ERBIN: variants seen among roughly 807,000 people sequenced by gnomAD.
ERBIN encodes the protein densin-180-like protein.
Under a neutral mutation model 158.4 loss-of-function variants are expected in ERBIN, and 60 were observed. That is an observed-to-expected ratio of 0.38 (90% confidence interval 0.31 to 0.47). The LOEUF is 0.47. ERBIN is among the 20% of genes least tolerant of loss of function. The pLI is 0.99. For missense variants in ERBIN, 1,610 were observed against 1,648.0 expected (o/e 0.98, Z 0.40); for synonymous variants, 594 against 557.2 (o/e 1.07, Z -0.93).
intron 1 of ERBIN, among the ~76,000 whole-genome samples, chr5:65,976,857 C>A (rs1749942271): frequency 1.3e-5 from 2 of 150,034 alleles, no homozygotes; most frequent in Admixed American, 6.6e-5. Context: ...CAACAGGATC[C>A]CAAGGCAGAA....
chr5:65,962,399 A>G (rs1315152678), intron 1 of ERBIN, among the ~76,000 whole-genome samples: 1 of 152,218 alleles, frequency 6.6e-6, no homozygotes, highest in East Asian at 1.9e-4. Flanking sequence ...ACAAATGTGT[A>G]TGTGTGTGTA....
chr5:66,001,780 G>A (rs1481398649), intron 4 of ERBIN, among the ~76,000 whole-genome samples: 1 of 152,062 alleles, frequency 6.6e-6, no homozygotes, highest in African/African-American at 2.4e-5. Context: ...TTGGTTTACT[G>A]TATGTATGCT....
At chr5:65,975,196 C>T (rs1749717924) in intron 1 of ERBIN, among the ~76,000 whole-genome samples, 1 of 152,084 alleles carries the variant, frequency 6.6e-6, no homozygotes, top group African/African-American at 2.4e-5. Context: ...TTGGTAGAGA[C>T]AGGATTTCAC....
At chr5:66,061,138 A>G (rs1760247474) in intron 21 of ERBIN, among the ~76,000 whole-genome samples, 2 of 152,142 alleles carry the variant, frequency 1.3e-5, no homozygotes, top group Admixed American at 1.3e-4. Context: ...TAATGTTGAC[A>G]GTGGGGTGTT....
At chr5:65,973,669 C>T (rs1029467736) in intron 1 of ERBIN, among the ~76,000 whole-genome samples, 2 of 150,968 alleles carry the variant, frequency 1.3e-5, no homozygotes, top group African/African-American at 2.5e-5. Context: ...CTTAAAGAAC[C>T]GAAGAAGTAA....
intron 1 of ERBIN, among the ~76,000 whole-genome samples, chr5:65,970,232 G>A (rs749240668): frequency 3.3e-5 from 5 of 152,172 alleles, no homozygotes; most frequent in Admixed American, 6.5e-5. Flanking sequence ...TGGCTAAATA[G>A]TATCAGGATT....
chr5:66,068,221 C>A (rs1004023569), intron 21 of ERBIN, among the ~76,000 whole-genome samples: 1 of 151,776 alleles, frequency 6.6e-6, no homozygotes, highest in Middle Eastern at 3.4e-3. Context: ...GTAATGAGGA[C>A]CTGTAGTCCT....
chr5:65,954,194 C>T (rs1288381459), intron 1 of ERBIN, among the ~76,000 whole-genome samples: 2 of 152,124 alleles, frequency 1.3e-5, no homozygotes, highest in Non-Finnish European at 2.9e-5. Context: ...GATTGTTCTC[C>T]TCTCACCCCC....
At chr5:65,948,324 G>T (rs954068793) in intron 1 of ERBIN, among the ~76,000 whole-genome samples, 1 of 151,804 alleles carries the variant, frequency 6.6e-6, no homozygotes, top group Non-Finnish European at 1.5e-5. Flanking sequence ...ACAAGTGCGG[G>T]CTACAATGAC....
At chr5:66,018,480 T>TTATATAA (rs1554058765) in intron 7 of ERBIN, among the ~76,000 whole-genome samples, 24 of 5,484 alleles carry the variant, frequency 4.4e-3, no homozygotes, top group African/African-American at 0.012. Context: ...ATATTATATA[T>TTATATAA]TATATATTAT....
At chr5:66,062,898 G>A (rs1363843055) in intron 21 of ERBIN, among the ~76,000 whole-genome samples, 3 of 152,176 alleles carry the variant, frequency 2.0e-5, no homozygotes, top group Non-Finnish European at 2.9e-5. Flanking sequence ...CATTCCTCTG[G>A]AAGTTTTGTC....
chr5:66,010,941 A>G (rs370760130), intron 4 of ERBIN, among the ~76,000 whole-genome samples: 1 of 152,182 alleles, frequency 6.6e-6, no homozygotes, highest in East Asian at 1.9e-4. Flanking sequence ...CTTTCACTGC[A>G]GTTTGATGTT....
rs921052446 is a variant in ERBIN at position 65,934,971 on chromosome 5, A to G, written c.-58+8165A>G. Reference sequence around the variant, plus strand: ...TTTTAGCACAATTAGATGTTCTAACATATCTTCTACTTTTCCTGGTTGTTT... The same window carrying G: ...TTTTAGCACAATTAGATGTTCTAACGTATCTTCTACTTTTCCTGGTTGTTT... On this transcript the variant is annotated intron_variant, in intron 1 of 25. Coordinates refer to ENST00000284037, the MANE Select transcript of ERBIN (RefSeq NM_001253697.2). Among the ~76,000 whole-genome samples, 12 of 152,032 alleles carry G rather than the reference A, an allele frequency of 7.9e-5. 1 individual carries two copies. Among genetic ancestry groups the G allele is most frequent in the Non-Finnish European group, 4.4e-5 (3 of 68,026 alleles).
chr5:65,927,777 A>C (rs939739306), intron 1 of ERBIN, among the ~76,000 whole-genome samples: 1 of 152,218 alleles, frequency 6.6e-6, no homozygotes, highest in Non-Finnish European at 1.5e-5. Flanking sequence ...TGGGGGCAGG[A>C]TTCATGAAGC....
intron 21 of ERBIN, chr5:66,068,937 A>C: frequency 1.3e-6 from 2 of 1,535,756 alleles, no homozygotes; most frequent in Non-Finnish European, 1.7e-6. Context: ...TCACTGTGGC[A>C]GCTCTAGGGA....
intron 14 of ERBIN, among the ~76,000 whole-genome samples, chr5:66,035,730 A>G (rs1757332059): frequency 6.6e-6 from 1 of 152,200 alleles, no homozygotes; most frequent in South Asian, 2.1e-4. Flanking sequence ...TATTTTGAAT[A>G]TGTAAAGTTA....
At chr5:65,965,437 A>T (rs1748489074) in intron 1 of ERBIN, among the ~76,000 whole-genome samples, 2 of 124,602 alleles carry the variant, frequency 1.6e-5, no homozygotes, top group Non-Finnish European at 3.2e-5. Context: ...ACGGAGTCTC[A>T]CTCTGTTGCC....
chr5:65,928,152 C>T (rs946944092), intron 1 of ERBIN, among the ~76,000 whole-genome samples: 1 of 152,018 alleles, frequency 6.6e-6, no homozygotes, highest in Non-Finnish European at 1.5e-5. Flanking sequence ...TTTGCTACTT[C>T]AGCTTCATTA....
chr5:66,068,115 G>A (rs1761188187), intron 21 of ERBIN, among the ~76,000 whole-genome samples: 1 of 152,002 alleles, frequency 6.6e-6, no homozygotes, highest in Non-Finnish European at 1.5e-5. Flanking sequence ...ATTGCTTGAA[G>A]GAAGGAGTTT....
Sources: gnomAD v4.1 joint callset for allele counts (sites outside exome capture counted in the v4.1 genomes callset) on GRCh38, gnomAD v4.1.1 for gene constraint, MANE v1.5 for transcripts, NCBI Gene and HGNC (gene_info 2026-07-23, HGNC 2026-07-21) for gene names.